Variants in CD38 observed in about 807,000 individuals in gnomAD.
The protein encoded by CD38 is CD38 molecule.
A neutral mutation model predicts 36.3 loss-of-function variants in CD38; 31 were observed. The observed-to-expected ratio is 0.85, with a 90% confidence interval of 0.64 to 1.15. CD38 has a LOEUF of 1.15. Among genes scored for constraint, CD38 ranks in the 50% most tolerant of loss-of-function variants. CD38 has a pLI of 0.00. For synonymous variants in CD38, 131 were observed against 135.2 expected (o/e 0.97, Z 0.22); for missense variants, 380 against 371.9 (o/e 1.02, Z -0.18).
At chr4:15,809,574 CAGGTG>C (rs1393301313) in intron 1 of CD38, among the ~76,000 whole-genome samples, 1 of 152,162 alleles carries the variant, frequency 6.6e-6, no homozygotes, top group African/African-American at 2.4e-5. Context: ...CAAAGCTCTT[CAGGTG>C]ACCTTGAAGT....
chr4:15,837,814 G>C (rs1367511636), intron 4 of CD38, among the ~76,000 whole-genome samples: 1 of 152,044 alleles, frequency 6.6e-6, no homozygotes, highest in African/African-American at 2.4e-5. Context: ...TACTCCTCTG[G>C]ACTTCTGACT....
At chr4:15,806,010 C>A (rs1413603077) in intron 1 of CD38, among the ~76,000 whole-genome samples, 1 of 152,090 alleles carries the variant, frequency 6.6e-6, no homozygotes, top group Non-Finnish European at 1.5e-5. Context: ...TGGAGAGGGA[C>A]ACATTATGAA....
intron 1 of CD38, among the ~76,000 whole-genome samples, chr4:15,790,551 C>T (rs1350022303): frequency 6.6e-6 from 1 of 152,228 alleles, no homozygotes; most frequent in African/African-American, 2.4e-5. Flanking sequence ...AGCCGCCTGC[C>T]TTGGCCCCCC....
chr4:15,826,459 GCACACACACACACACACACACA>G (rs67475051), intron 3 of CD38, among the ~76,000 whole-genome samples: 1 of 146,348 alleles, frequency 6.8e-6, no homozygotes, highest in African/African-American at 2.5e-5. Flanking sequence ...ACTTTTGTGC[GCACACACACACACACACACACA>G]CACACACACA....
chr4:15,839,502 C>A (rs1279635381), intron 5 of CD38, among the ~76,000 whole-genome samples: 3 of 145,152 alleles, frequency 2.1e-5, no homozygotes, highest in Non-Finnish European at 4.5e-5. Flanking sequence ...CCGCTCACTG[C>A]AAGCTCAGCC....
At chr4:15,780,965 G>A (rs898888103) in intron 1 of CD38, among the ~76,000 whole-genome samples, 3 of 152,022 alleles carry the variant, frequency 2.0e-5, no homozygotes, top group East Asian at 1.9e-4. Context: ...AAAATTAGCC[G>A]GGTGTTGTGG....
At chr4:15,838,290 G>C in intron 5 of CD38, 125 bp downstream of exon 5, 3 of 757,666 alleles carry the variant, frequency 4.0e-6, no homozygotes, top group Non-Finnish European at 6.5e-6. Context: ...GGCCAAAAAA[G>C]GTAAAAATTT....
chr4:15,834,151 G>A (rs776464868), intron 3 of CD38, 66 bp from the exon 4 acceptor site: 30 of 1,032,262 alleles, frequency 2.9e-5, no homozygotes, highest in Non-Finnish European at 4.6e-5. Flanking sequence ...TGAACAGCCA[G>A]GGAAGAGTAC....
At chr4:15,798,435 T>C (rs367640804) in intron 1 of CD38, among the ~76,000 whole-genome samples, 6 of 152,268 alleles carry the variant, frequency 3.9e-5, no homozygotes, top group African/African-American at 1.4e-4. Flanking sequence ...CAAAGTAACA[T>C]ATTTCCCAGC....
chr4:15,835,964 G>A (rs72616189), intron 4 of CD38, among the ~76,000 whole-genome samples: 8,951 of 152,018 alleles, frequency 0.059, 364 homozygotes, highest in East Asian at 0.18. Flanking sequence ...TTTCAAGTGT[G>A]TTAGGGAAAA....
At chr4:15,810,348 G>A (rs973931404) in intron 1 of CD38, among the ~76,000 whole-genome samples, 7 of 152,178 alleles carry the variant, frequency 4.6e-5, no homozygotes, top group Non-Finnish European at 1.0e-4. Flanking sequence ...CAGTGCACAT[G>A]AATTTCTCTT....
intron 1 of CD38, among the ~76,000 whole-genome samples, chr4:15,785,533 C>A (rs2148913690): frequency 8.4e-6 from 1 of 119,282 alleles, no homozygotes; most frequent in African/African-American, 4.7e-5. Flanking sequence ...GGAGAACGTT[C>A]CTTTTCTTTT....
At chr4:15,834,343 C>T in intron 4 of CD38, 41 bp downstream of exon 4, 3 of 1,239,394 alleles carry the variant, frequency 2.4e-6, no homozygotes, top group South Asian at 1.2e-5. Context: ...TTGGAGACCA[C>T]AGAACTTAAG....
At chr4:15,809,372 C>T (rs1477705057) in intron 1 of CD38, among the ~76,000 whole-genome samples, 1 of 152,156 alleles carries the variant, frequency 6.6e-6, no homozygotes, top group Non-Finnish European at 1.5e-5. Context: ...TGACCTCGGG[C>T]TAGTCACATT....
Position 15,851,378 on chromosome 4 carries a change from A to T in CD38, c.*2776A>T, listed in dbSNP as rs1724383057. ...CATACACCTCATATTTTACTCGTAAATCTACTACTCCCTGTCTGCCTACTC... is the reference window on the plus strand; with the variant it reads ...CATACACCTCATATTTTACTCGTAATTCTACTACTCCCTGTCTGCCTACTC... On this transcript the variant is annotated 3_prime_UTR_variant, in exon 8 of 8. Coordinates refer to ENST00000226279, the MANE Select transcript of CD38 (RefSeq NM_001775.4). The T allele has an allele frequency of 6.6e-6, 1 of 152,162 alleles. No homozygotes were observed. The highest frequency in any genetic ancestry group is 2.1e-4 in the South Asian group (1 of 4,822). 9.4% of individuals were successfully genotyped at this position (152,162 alleles called of 1,614,324 possible). A position where few individuals can be genotyped will look rare whatever the true frequency, so the allele number is the denominator to read the frequency against.
At chr4:15,820,833 G>A (rs1423631289) in intron 2 of CD38, among the ~76,000 whole-genome samples, 2 of 152,182 alleles carry the variant, frequency 1.3e-5, no homozygotes, top group Non-Finnish European at 2.9e-5. Context: ...TCAGGATCAA[G>A]TGGACCTGAT....
intron 4 of CD38, among the ~76,000 whole-genome samples, chr4:15,836,665 C>T (rs1724075171): frequency 6.6e-6 from 1 of 152,214 alleles, no homozygotes; most frequent in South Asian, 2.1e-4. Context: ...ATTCCAAAGC[C>T]ATGCTCTTCA....
chr4:15,833,774 A>G (rs943431502), intron 3 of CD38, among the ~76,000 whole-genome samples: 2 of 152,218 alleles, frequency 1.3e-5, no homozygotes, highest in Non-Finnish European at 2.9e-5. Context: ...AAGTGTAGGA[A>G]GACTCTGAGG....
chr4:15,833,004 A>G (rs1723989904), intron 3 of CD38, among the ~76,000 whole-genome samples: 1 of 152,158 alleles, frequency 6.6e-6, no homozygotes, highest in African/African-American at 2.4e-5. Context: ...CCTCATGGCC[A>G]CCACCACCAC....
Sources: allele counts gnomAD v4.1 joint callset (sites outside exome capture counted in the v4.1 genomes callset), GRCh38; gene constraint gnomAD v4.1.1; transcripts MANE v1.5; gene names NCBI Gene and HGNC (gene_info 2026-07-23, HGNC 2026-07-21).